TULP4: variants seen among roughly 807,000 people sequenced by gnomAD.
The protein encoded by TULP4 is TUB like protein 4.
TULP4 carries 16 observed loss-of-function variants against 129.0 expected under a neutral mutation model. The observed-to-expected ratio is 0.12, with a 90% CI of 0.08 to 0.19. The LOEUF (loss-of-function observed/expected upper bound fraction) is 0.19, where lower values mean the gene tolerates loss of function less well. TULP4 is among the 10% of genes least tolerant of loss of function. The pLI is 1.00. For synonymous variants in TULP4, 998 were observed against 854.0 expected, an observed-to-expected ratio of 1.17 and a Z score of -2.94; for missense variants, 1,842 against 2,059.1, an observed-to-expected ratio of 0.89 and a Z score of 2.04.
chr6:158,485,197 T>G (rs536608198), intron 8 of TULP4, among the ~76,000 whole-genome samples: 2 of 152,180 alleles, frequency 1.3e-5, no homozygotes, highest in African/African-American at 4.8e-5. Context: ...TGAAGAGATT[T>G]GTAAGCAAAG....
intron 1 of TULP4, among the ~76,000 whole-genome samples, chr6:158,381,154 A>G (rs1170561253): frequency 1.2e-5 from 1 of 81,396 alleles, no homozygotes; most frequent in African/African-American, 5.2e-5. Flanking sequence ...TAGGTGCTTT[A>G]TGGTTGTTTT....
At chr6:158,273,773 G>A (rs890414837) in intron 1 of TULP4, among the ~76,000 whole-genome samples, 1 of 152,202 alleles carries the variant, frequency 6.6e-6, no homozygotes, top group Non-Finnish European at 1.5e-5. Context: ...CCATGAGGTA[G>A]GTTGTGGTAA....
intron 1 of TULP4, among the ~76,000 whole-genome samples, chr6:158,236,604 G>A (rs375626350): frequency 2.4e-5 from 3 of 126,012 alleles, no homozygotes; most frequent in African/African-American, 7.7e-5. Context: ...GTCACCTAAG[G>A]CCTCCATAAT....
intron 1 of TULP4, among the ~76,000 whole-genome samples, chr6:158,324,273 C>G (rs774952647): frequency 6.6e-6 from 1 of 152,180 alleles, no homozygotes; most frequent in African/African-American, 2.4e-5. Context: ...CTTACATTCC[C>G]TGACTATAGC....
At chr6:158,287,543 C>A (rs1051065420) in intron 1 of TULP4, among the ~76,000 whole-genome samples, 1 of 152,052 alleles carries the variant, frequency 6.6e-6, no homozygotes, top group Non-Finnish European at 1.5e-5. Context: ...CAAGTTAGCA[C>A]GGATGATAAG....
intron 13 of TULP4, among the ~76,000 whole-genome samples, chr6:158,506,000 G>A (rs138966477): frequency 1.4e-4 from 21 of 151,836 alleles, no homozygotes; most frequent in African/African-American, 3.4e-4. Flanking sequence ...AACTTTTCAC[G>A]GATGGAGCTG....
intron 6 of TULP4, among the ~76,000 whole-genome samples, chr6:158,479,291 C>G (rs1053386561): frequency 2.0e-5 from 3 of 152,216 alleles, no homozygotes; most frequent in Admixed American, 6.5e-5. Context: ...ATTGCCCCTA[C>G]TAGTAGAAAC....
chr6:158,376,250 C>T (rs575554322), intron 1 of TULP4, among the ~76,000 whole-genome samples: 37 of 152,298 alleles, frequency 2.4e-4, no homozygotes, highest in African/African-American at 8.7e-4. Flanking sequence ...TTGGGAGCAT[C>T]CTACTGGGCA....
At chr6:158,272,090 G>A (rs1220049255) in intron 1 of TULP4, among the ~76,000 whole-genome samples, 2 of 152,184 alleles carry the variant, frequency 1.3e-5, no homozygotes, top group Non-Finnish European at 2.9e-5. Flanking sequence ...AGCATACACT[G>A]TCACCAAGTC....
chr6:158,415,442 C>T (rs1454743004), intron 2 of TULP4, among the ~76,000 whole-genome samples: 4 of 151,190 alleles, frequency 2.6e-5, no homozygotes, highest in Non-Finnish European at 5.9e-5. Context: ...CTCCGCCTCC[C>T]GGGTTCACGC....
chr6:158,436,164 C>T (rs370484911), intron 3 of TULP4, among the ~76,000 whole-genome samples: 1 of 152,202 alleles, frequency 6.6e-6, no homozygotes, highest in African/African-American at 2.4e-5. Flanking sequence ...GCCTCAGCCT[C>T]CTAAAGTGCT....
intron 8 of TULP4, among the ~76,000 whole-genome samples, chr6:158,488,339 C>G (rs1406438863): frequency 6.6e-6 from 1 of 152,186 alleles, no homozygotes. Flanking sequence ...AAACACTGCT[C>G]AGGACTTGTG....
chr6:158,448,061 T>G (rs1340788881), intron 3 of TULP4, among the ~76,000 whole-genome samples: 3 of 151,992 alleles, frequency 2.0e-5, no homozygotes, highest in Non-Finnish European at 2.9e-5. Context: ...ACCACTAGTG[T>G]TGTTGGTTGG....
rs549699782 is a variant in TULP4 at position 158,397,227 on chromosome 6, C to T, written c.253-15838C>T. Among the ~76,000 whole-genome samples, 203 of 152,308 alleles carry T rather than the reference C, an allele frequency of 1.3e-3. 1 individual carries two copies. Among genetic ancestry groups the T allele is most frequent in the African/African-American group, 4.5e-3 (188 of 41,564 alleles). ...CAGGGTCACAGGTACCTGCTGGAAT[C>T]TGGGATGGAAGCATGTGGTCACTTG... On this transcript the variant is annotated intron_variant, in intron 1 of 13. Transcript: ENST00000367097.
At chr6:158,447,223 TCC>T (rs1779070224) in intron 3 of TULP4, among the ~76,000 whole-genome samples, 1 of 152,188 alleles carries the variant, frequency 6.6e-6, no homozygotes, top group Non-Finnish European at 1.5e-5. Flanking sequence ...TGACCCATGC[TCC>T]GGTGTCTTGA....
rs1168843077 is a variant in TULP4 at position 158,503,670 on chromosome 6, A to G, written c.4007A>G (p.Lys1336Arg). Residue 1336 changes from lysine (K) to arginine (R), a missense_variant, in exon 13 of 14, where the codon AAG becomes AGG. Physicochemically the swap from Lys to Arg is conservative, Grantham distance 26. Coordinates refer to ENST00000367097, the MANE Select transcript of TULP4 (RefSeq NM_020245.5). The surrounding 1 kb of genome is among the most constrained non-coding windows in gnomAD (Gnocchi z 4.3). ...CAGCGGACAGAAAAATTTGGAAAGA[A>G]GAACCGGAAGCGCCTGGACAGCCGA... ...VPQRTEKFGK[K>R]NRKRLDSRAE... 1 of 1,614,046 alleles carries G rather than the reference A, an allele frequency of 6.2e-7. No homozygotes were observed. Among genetic ancestry groups the G allele is most frequent in the Non-Finnish European group, 8.5e-7 (1 of 1,180,028 alleles).
rs1780604533 is a variant in TULP4 at position 158,506,444 on chromosome 6, G to A, written c.4516-134G>A. ...GACGGGGTTTCACCGTGTTAGCCAG[G>A]GTGGTCTCTATCTCCTGACGTCGTG... On this transcript the variant is annotated intron_variant, in intron 13 of 13. Transcript: ENST00000367097. 5.6e-6 allele frequency: 4 copies of A among 714,646 alleles called. No homozygotes were observed. In the Admixed American group the frequency reaches 7.2e-5, roughly 13 times the overall value. The allele number at this position is 714,646 out of a possible 1,614,324, so 44.3% of individuals were successfully genotyped here. A position where few individuals can be genotyped will look rare whatever the true frequency, so the allele number is the denominator to read the frequency against.
At chr6:158,325,355 CT>C (rs10630413) in intron 1 of TULP4, among the ~76,000 whole-genome samples, 21 of 139,474 alleles carry the variant, frequency 1.5e-4, no homozygotes, top group African/African-American at 3.5e-4. Context: ...AACAGCTTTT[CT>C]TTTTTTTTTT....
intron 1 of TULP4, among the ~76,000 whole-genome samples, chr6:158,381,003 C>T (rs1381250428): frequency 1.3e-5 from 2 of 151,716 alleles, no homozygotes; most frequent in Non-Finnish European, 2.9e-5. Context: ...GTTCTGCCAA[C>T]TTGGAAGGGG....
Sources: allele counts gnomAD v4.1 joint callset (sites outside exome capture counted in the v4.1 genomes callset), GRCh38; gene constraint gnomAD v4.1.1; non-coding constraint Gnocchi (gnomAD v3.1); transcripts MANE v1.5; gene names NCBI Gene and HGNC (gene_info 2026-07-23, HGNC 2026-07-21).